Variants in SORCS2 observed in about 807,000 individuals in gnomAD.
The protein encoded by SORCS2 is VPS10 domain-containing receptor SorCS2.
A neutral mutation model predicts 141.6 loss-of-function variants in SORCS2; 100 were observed. That is an observed-to-expected ratio of 0.71 (90% CI 0.60 to 0.83). The LOEUF (loss-of-function observed/expected upper bound fraction) is 0.83. Among genes scored for constraint, SORCS2 ranks in the 40% least tolerant of loss-of-function variants. SORCS2 has a pLI of 0.00. For synonymous variants in SORCS2, 789 were observed against 676.9 expected, an observed-to-expected ratio of 1.17 and a Z score of -2.57; for missense variants, 1,646 against 1,560.2, an observed-to-expected ratio of 1.05 and a Z score of -0.93.
chr4:7,237,566 T>C (rs932887650), intron 1 of SORCS2, among the ~76,000 whole-genome samples: 1 of 152,172 alleles, frequency 6.6e-6, no homozygotes, highest in Non-Finnish European at 1.5e-5. Context: ...TTCAGCATCT[T>C]TTGAAAAGGA....
intron 1 of SORCS2, among the ~76,000 whole-genome samples, chr4:7,329,001 G>A (rs563816468): frequency 1.1e-3 from 172 of 152,286 alleles, no homozygotes; most frequent in Non-Finnish European, 2.1e-3. Context: ...GTGGCCCCCC[G>A]AGGCCAGGCC....
chr4:7,739,214 C>T (rs1712449732), intron 26 of SORCS2, among the ~76,000 whole-genome samples: 1 of 152,186 alleles, frequency 6.6e-6, no homozygotes, highest in Non-Finnish European at 1.5e-5. Context: ...AGCTGTGTGC[C>T]CCCCGAAGGC....
At chr4:7,434,729 C>A in intron 2 of SORCS2, 2 of 1,613,130 alleles carry the variant, frequency 1.2e-6, no homozygotes, top group Non-Finnish European at 1.7e-6. Flanking sequence ...CATACGGCCC[C>A]TTGGCAGTAC....
In SORCS2 at chr4:7,626,179, A is replaced by C. The variant is rs112430847; in HGVS notation, c.649-12149A>C. Reference sequence around the variant, plus strand: ...ATAAATAAATATAAATAAATAAATAAATAAAAGTATGAAATACCGACCATT... The same window carrying C: ...ATAAATAAATATAAATAAATAAATACATAAAAGTATGAAATACCGACCATT... On this transcript the variant is annotated intron_variant, in intron 3 of 26. Coordinates refer to ENST00000507866, the MANE Select transcript of SORCS2 (RefSeq NM_020777.3). Among the ~76,000 whole-genome samples the C allele has an allele frequency of 2.0e-5, 3 of 152,052 alleles. No individual in the cohort carries two copies. The South Asian group carries it at 6.2e-4, about 32-fold the overall frequency.
intron 3 of SORCS2, among the ~76,000 whole-genome samples, chr4:7,532,683 G>A (rs1049257780): frequency 6.6e-6 from 1 of 152,090 alleles, no homozygotes; most frequent in Non-Finnish European, 1.5e-5. Context: ...CCACAGGCCT[G>A]GCAGCAGCAG....
At chr4:7,542,693 G>A (rs573639423) in intron 3 of SORCS2, among the ~76,000 whole-genome samples, 12 of 152,204 alleles carry the variant, frequency 7.9e-5, no homozygotes, top group Non-Finnish European at 1.3e-4. Flanking sequence ...ACTTTGTCTC[G>A]GAAGCCCCAG....
At chr4:7,707,167 A>G (rs2109024305) in intron 14 of SORCS2, among the ~76,000 whole-genome samples, 1 of 152,176 alleles carries the variant, frequency 6.6e-6, no homozygotes, top group East Asian at 1.9e-4. Context: ...CTGCTCTGCC[A>G]TCATCCAATG....
At chr4:7,444,876 T>C (rs974328310) in intron 2 of SORCS2, among the ~76,000 whole-genome samples, 2 of 152,234 alleles carry the variant, frequency 1.3e-5, no homozygotes, top group African/African-American at 4.8e-5. Flanking sequence ...ATGTGGCATG[T>C]GCGAGAAAGA....
In SORCS2 at chr4:7,664,023, C is replaced by T. The variant is rs1560466287; in HGVS notation, c.953-330C>T. Among the ~76,000 whole-genome samples, 1 of 152,198 alleles carries T rather than the reference C, an allele frequency of 6.6e-6. No individual in the cohort carries two copies. Among genetic ancestry groups the T allele is most frequent in the East Asian group, 1.9e-4 (1 of 5,182 alleles). ...CCCATCCCTGCTTAGGTGTGAGAGA[C>T]TTCAGGAGGGTATGGGGGCCGTGCA... is the stretch of plus-strand genomic sequence containing the variant. On this transcript the variant is annotated intron_variant, in intron 6 of 26. Transcript: ENST00000507866. The surrounding 1 kb of genome is among the most constrained non-coding windows in gnomAD (Gnocchi z 4.7).
chr4:7,739,665 C>T (rs754421873), intron 26 of SORCS2, among the ~76,000 whole-genome samples: 13 of 152,240 alleles, frequency 8.5e-5, no homozygotes, highest in Non-Finnish European at 1.6e-4. Flanking sequence ...GCGGGTGCTC[C>T]CAGCCGTGTC....
intron 3 of SORCS2, among the ~76,000 whole-genome samples, chr4:7,601,616 C>CAAAAAAAAAAA: frequency 2.2e-5 from 1 of 45,644 alleles, no homozygotes; most frequent in Non-Finnish European, 4.1e-5. Context: ...AAGACTCTCT[C>CAAAAAAAAAAA]AAAAAAAAAA....
chr4:7,293,221 G>A (rs752898788), intron 1 of SORCS2, among the ~76,000 whole-genome samples: 4 of 151,954 alleles, frequency 2.6e-5, no homozygotes, highest in Non-Finnish European at 4.4e-5. Flanking sequence ...GGAGAATGGC[G>A]TGAACCCAGG....
At position 7,408,291 on chromosome 4, in the gene SORCS2, G is replaced by A. The variant is rs73084252; in HGVS notation, c.548+11936G>A. 3.2e-3 allele frequency among the ~76,000 whole-genome samples: 490 copies of A among 152,106 alleles called. 4 individuals are homozygous for A. The highest frequency in any genetic ancestry group is 0.011 in the African/African-American group (442 of 41,514). On this transcript the variant is annotated intron_variant, in intron 2 of 26. Coordinates refer to ENST00000507866, the MANE Select transcript of SORCS2 (RefSeq NM_020777.3). ...TTCTTCTAAGACAGATGCGGGGGTG[G>A]TGAATTCCCTCAGCTTTTGTTTGTC...
intron 2 of SORCS2, among the ~76,000 whole-genome samples, chr4:7,426,558 AT>A (rs1726452557): frequency 1.3e-5 from 2 of 152,178 alleles, no homozygotes. Context: ...ACCCTCCAGC[AT>A]TCTCCCTCTG....
chr4:7,650,089 A>G (rs1488905791), intron 4 of SORCS2, among the ~76,000 whole-genome samples: 2 of 152,224 alleles, frequency 1.3e-5, no homozygotes, highest in Non-Finnish European at 2.9e-5. Context: ...CTGTGGTCAA[A>G]TGATTCATTC....
At chr4:7,381,247 T>C (rs535011180) in intron 1 of SORCS2, among the ~76,000 whole-genome samples, 1 of 152,316 alleles carries the variant, frequency 6.6e-6, no homozygotes, top group Admixed American at 6.5e-5. Context: ...CCTGGCTCTC[T>C]TTGGAGGGGA....
At chr4:7,555,181 G>A (rs1714018644) in intron 3 of SORCS2, among the ~76,000 whole-genome samples, 1 of 152,228 alleles carries the variant, frequency 6.6e-6, no homozygotes, top group South Asian at 2.1e-4. Flanking sequence ...GATGGTAATT[G>A]CATGAGATGG....
intron 25 of SORCS2, among the ~76,000 whole-genome samples, chr4:7,735,757 G>A (rs1232687922): frequency 6.6e-6 from 1 of 152,226 alleles, no homozygotes; most frequent in Non-Finnish European, 1.5e-5. Flanking sequence ...TTCCCCCAAA[G>A]CTGGTGCTGA....
chr4:7,221,349 A>G (rs568618350), intron 1 of SORCS2, among the ~76,000 whole-genome samples: 106 of 152,296 alleles, frequency 7.0e-4, no homozygotes, highest in African/African-American at 2.5e-3. Flanking sequence ...CAGTGTCTGT[A>G]GTTTGAATGA....
Sources: gnomAD v4.1 joint callset for allele counts (sites outside exome capture counted in the v4.1 genomes callset) on GRCh38, gnomAD v4.1.1 for gene constraint, Gnocchi (gnomAD v3.1) non-coding constraint, MANE v1.5 for transcripts, NCBI Gene and HGNC (gene_info 2026-07-23, HGNC 2026-07-21) for gene names.